The following PCDH9 variants were observed in gnomAD, a reference collection of about 807,000 sequenced individuals.
The protein encoded by PCDH9 is protocadherin 9, also known as protocadherin-9.
A neutral mutation model predicts 70.6 loss-of-function variants in PCDH9; 24 were observed. That is an observed-to-expected ratio of 0.34 (90% confidence interval 0.25 to 0.48). The LOEUF is 0.48. Ranked by LOEUF, PCDH9 falls within the 20% of genes least tolerant of loss-of-function variation. The pLI, the probability that PCDH9 is intolerant of heterozygous loss-of-function variation, is 0.99. For synonymous variants in PCDH9, 562 were observed against 558.5 expected (o/e 1.01, Z -0.09); for missense variants, 1,281 against 1,503.6 (o/e 0.85, Z 2.45).
chr13:66,614,534 T>C lies in PCDH9; in HGVS notation c.3340+16676A>G, dbSNP rs74924017. 1.8e-3 allele frequency among the ~76,000 whole-genome samples: 276 copies of C among 152,338 alleles called. 12 individuals are homozygous for C. The East Asian group carries it at 0.041, about 23-fold the overall frequency. ...TAATCTGGAATTCTGTTTCATAATATCAAGTGTTTTAACACTCGAACATTT... is the reference window on the plus strand; with the variant it reads ...TAATCTGGAATTCTGTTTCATAATACCAAGTGTTTTAACACTCGAACATTT... On this transcript the variant is annotated intron_variant, in intron 4 of 4. Transcript: ENST00000377865.
chr13:66,965,831 G>A (rs1468640616), intron 2 of PCDH9, among the ~76,000 whole-genome samples: 4 of 151,684 alleles, frequency 2.6e-5, no homozygotes, highest in African/African-American at 9.7e-5. Context: ...TTGAACATAA[G>A]ACAAAATATG....
At chr13:66,437,423 A>AAAG (rs1318399188) in intron 4 of PCDH9, among the ~76,000 whole-genome samples, 1 of 149,878 alleles carries the variant, frequency 6.7e-6, no homozygotes, top group Admixed American at 6.6e-5. Flanking sequence ...AAAAAAAAAA[A>AAAG]AAAGGAGAGA....
chr13:66,854,675 G>T (rs563507639), intron 3 of PCDH9, among the ~76,000 whole-genome samples: 1 of 151,710 alleles, frequency 6.6e-6, no homozygotes, highest in Non-Finnish European at 1.5e-5. Context: ...ATTTGAAATA[G>T]ACCCCAAACA....
chr13:66,567,233 A>G (rs1310437913), intron 4 of PCDH9, among the ~76,000 whole-genome samples: 2 of 152,122 alleles, frequency 1.3e-5, no homozygotes, highest in African/African-American at 2.4e-5. Context: ...GAATCTACCT[A>G]TCTGCTTTTT....
At chr13:66,747,568 T>C (rs1355315599) in intron 3 of PCDH9, among the ~76,000 whole-genome samples, 3 of 152,106 alleles carry the variant, frequency 2.0e-5, no homozygotes, top group Non-Finnish European at 4.4e-5. Flanking sequence ...TTCTGCAAAA[T>C]AAATTAAGAA....
intron 3 of PCDH9, among the ~76,000 whole-genome samples, chr13:66,818,118 G>A (rs1346966519): frequency 6.6e-6 from 1 of 152,086 alleles, no homozygotes; most frequent in African/African-American, 2.4e-5. Flanking sequence ...TTCATTTTAG[G>A]ACAAATTTTT....
At chr13:66,475,686 C>T (rs1359191129) in intron 4 of PCDH9, among the ~76,000 whole-genome samples, 1 of 151,982 alleles carries the variant, frequency 6.6e-6, no homozygotes, top group Non-Finnish European at 1.5e-5. Flanking sequence ...TAGTAATGAA[C>T]CCTCAAAATG....
intron 2 of PCDH9, chr13:67,215,705 T>C (rs1235612047): frequency 6.6e-6 from 1 of 152,138 alleles, no homozygotes; most frequent in Non-Finnish European, 1.5e-5. Flanking sequence ...TGAACATAAA[T>C]GATGTCTTTC....
intron 3 of PCDH9, among the ~76,000 whole-genome samples, chr13:66,875,574 A>C (rs1317807034): frequency 1.3e-5 from 2 of 152,156 alleles, no homozygotes; most frequent in Non-Finnish European, 2.9e-5. Flanking sequence ...TTCCATTCCA[A>C]TGTCTATTTC....
At chr13:66,769,970 T>C (rs2079780452) in intron 3 of PCDH9, among the ~76,000 whole-genome samples, 1 of 152,070 alleles carries the variant, frequency 6.6e-6, no homozygotes, top group African/African-American at 2.4e-5. Context: ...GAGCATCCAT[T>C]TGCATACATC....
At chr13:66,445,557 A>ATTATATATACACATATATT (rs1958064004) in intron 4 of PCDH9, among the ~76,000 whole-genome samples, 1 of 143,252 alleles carries the variant, frequency 7.0e-6, no homozygotes, top group East Asian at 2.0e-4. Context: ...ACACATATAT[A>ATTATATATACACATATATT]ATATATACGT....
chr13:66,320,639 C>T (rs919472099), intron 4 of PCDH9, among the ~76,000 whole-genome samples: 9 of 151,992 alleles, frequency 5.9e-5, no homozygotes, highest in African/African-American at 2.2e-4. Context: ...CAGCATACTT[C>T]ATGGCCATGT....
intron 4 of PCDH9, among the ~76,000 whole-genome samples, chr13:66,514,977 C>T (rs570792420): frequency 5.3e-5 from 8 of 152,136 alleles, no homozygotes; most frequent in Admixed American, 2.0e-4. Context: ...TTTGTAAGTA[C>T]GGTGTTTTCA....
intron 4 of PCDH9, among the ~76,000 whole-genome samples, chr13:66,399,262 T>C (rs1475957752): frequency 1.3e-5 from 2 of 152,150 alleles, no homozygotes; most frequent in African/African-American, 4.8e-5. Flanking sequence ...TCCCTTGATC[T>C]AAATTGGATA....
intron 3 of PCDH9, among the ~76,000 whole-genome samples, chr13:66,797,108 G>T (rs1253101586): frequency 1.3e-5 from 2 of 152,100 alleles, no homozygotes; most frequent in East Asian, 1.9e-4. Flanking sequence ...TAAGGGGATA[G>T]TTCCACACCA....
rs117662462 is a variant in PCDH9 at position 66,932,076 on chromosome 13, A to T, written c.3037-28471T>A. 8.1e-3 allele frequency among the ~76,000 whole-genome samples: 1,230 copies of T among 152,198 alleles called. 13 individuals carry two copies. The highest frequency in any genetic ancestry group is 0.011 in the Non-Finnish European group (751 of 67,992). On this transcript the variant is annotated intron_variant, in intron 2 of 4. Coordinates refer to ENST00000377865, the MANE Select transcript of PCDH9 (RefSeq NM_203487.3). ...TAGCCAAATGGACACAGACATTAGT[A>T]CCTGTGATCGTAACAGGAAGGAAAT...
At chr13:66,307,020 T>C (rs1955480386) in intron 4 of PCDH9, among the ~76,000 whole-genome samples, 1 of 152,026 alleles carries the variant, frequency 6.6e-6, no homozygotes, top group Non-Finnish European at 1.5e-5. Flanking sequence ...ATTACTGACC[T>C]CTTCAAGGGT....
intron 3 of PCDH9, among the ~76,000 whole-genome samples, chr13:66,810,479 T>C (rs77223454): frequency 0.021 from 3,162 of 152,064 alleles, 130 homozygotes; most frequent in African/African-American, 0.07. Flanking sequence ...TAGATAAAAA[T>C]ATAGAGCTTA....
At chr13:66,320,060 T>A (rs897936986) in intron 4 of PCDH9, among the ~76,000 whole-genome samples, 1 of 152,102 alleles carries the variant, frequency 6.6e-6, no homozygotes, top group Non-Finnish European at 1.5e-5. Context: ...TGTGAGTTGA[T>A]GAAAAGTGAG....
Sources: gnomAD v4.1 joint callset for allele counts (sites outside exome capture counted in the v4.1 genomes callset) on GRCh38, gnomAD v4.1.1 for gene constraint, MANE v1.5 for transcripts, NCBI Gene and HGNC (gene_info 2026-07-23, HGNC 2026-07-21) for gene names.